ZNF84: variants seen among roughly 807,000 people sequenced by gnomAD.
ZNF84 encodes the protein zinc finger protein 84.
In ZNF84, 12 loss-of-function variants were observed where a neutral mutation model predicts 14.8. That is an observed-to-expected ratio of 0.81 (90% CI 0.52 to 1.31). ZNF84 has a LOEUF of 1.31. Ranked by LOEUF, ZNF84 falls within the 50% of genes most tolerant of loss-of-function variation. The pLI is 0.00. For synonymous variants in ZNF84, 347 were observed against 291.1 expected (o/e 1.19, Z -1.96); for missense variants, 859 against 878.6 (o/e 0.98, Z 0.28).
rs1954191223 is a variant in ZNF84, at chr12:133,057,971, T to C, written c.1256T>C (p.Ile419Thr). 6 of 1,613,346 alleles carry C rather than the reference T, an allele frequency of 3.7e-6. No homozygotes were observed. Among genetic ancestry groups the C allele is most frequent in the Non-Finnish European group, 1.7e-6 (2 of 1,179,860 alleles). Residue 419 changes from isoleucine to threonine, a missense_variant, in exon 5 of 5, where the codon ATT (isoleucine) becomes ACT (threonine). Transcript: ENST00000539354. Reference protein sequence around the residue: ...RKAFRERSSLINHQRTHTGEK... With the variant: ...RKAFRERSSLTNHQRTHTGEK... ...GCATTTAGAGAGAGGTCGAGTCTCATTAATCATCAGAGAACACATACAGGA... is the reference window on the plus strand; with the variant it reads ...GCATTTAGAGAGAGGTCGAGTCTCACTAATCATCAGAGAACACATACAGGA...
chr12:133,047,832 G>A, intron 2 of ZNF84, 123 bp from the exon 3 acceptor site: 3 of 1,046,192 alleles, frequency 2.9e-6, no homozygotes, highest in Admixed American at 2.0e-5. Flanking sequence ...ATATGCAAAG[G>A]TAGAGACATA....
Position 133,057,071 on chromosome 12 carries a change from A to G in ZNF84, c.356A>G (p.Asn119Ser). The change falls in exon 5 of 5, where the codon AAC (asparagine) becomes AGC (serine). Residue 119 changes from asparagine to serine, a missense_variant. Transcript: ENST00000539354. ...GGAAAAAATTTCAATCTGAACATGA[A>G]CTTTGTTCCTTTAAGGAAATCAAAC... ...AFGKNFNLNM[N>S]FVPLRKSNSE... 6.2e-7 allele frequency: 1 copy of G among 1,613,534 alleles called. No individual in the cohort carries two copies. The highest frequency in any genetic ancestry group is 8.5e-7 in the Non-Finnish European group (1 of 1,179,880).
chr12:133,045,708 T>C (rs1953968438), intron 2 of ZNF84, among the ~76,000 whole-genome samples: 2 of 152,300 alleles, frequency 1.3e-5, no homozygotes, highest in East Asian at 1.9e-4. Context: ...TTTTTTTTCT[T>C]TCTGGCCATT....
chr12:133,050,584 A>G (rs2137382925), intron 4 of ZNF84: 1 of 398,584 alleles, frequency 2.5e-6, no homozygotes, highest in East Asian at 3.6e-5. Context: ...TCTCCCATTC[A>G]TGGTCAGTTC....
intron 4 of ZNF84, among the ~76,000 whole-genome samples, chr12:133,052,810 G>A (rs956201986): frequency 6.6e-6 from 1 of 152,208 alleles, no homozygotes; most frequent in Non-Finnish European, 1.5e-5. Context: ...AATGACATGG[G>A]AAAACTAATT....
intron 2 of ZNF84, among the ~76,000 whole-genome samples, chr12:133,044,233 C>T (rs1483755157): frequency 1.3e-5 from 2 of 152,112 alleles, no homozygotes; most frequent in Non-Finnish European, 2.9e-5. Context: ...CAGCCTTGAA[C>T]TCCTGGAATC....
At position 133,048,116 on chromosome 12, in the gene ZNF84, C is replaced by T. The variant is rs1274694318; in HGVS notation, c.142+35C>T. 7 of 1,578,496 alleles carry T rather than the reference C, an allele frequency of 4.4e-6. No homozygotes were observed. The Admixed American group carries it at 8.7e-5, about 20-fold the overall frequency. ...GCTTTCTTGAGGACCTTGGACTATGCCCAATGCATTGCCTTTTATTTTTAG... is the reference window on the plus strand; with the variant it reads ...GCTTTCTTGAGGACCTTGGACTATGTCCAATGCATTGCCTTTTATTTTTAG... On this transcript the variant is annotated intron_variant, in intron 3 of 4. Coordinates refer to ENST00000539354, the MANE Select transcript of ZNF84 (RefSeq NM_001289971.2).
intron 2 of ZNF84, 88 bp downstream of exon 2, chr12:133,041,570 TAAG>T (rs1214010598): frequency 1.2e-5 from 17 of 1,393,942 alleles, no homozygotes; most frequent in African/African-American, 1.4e-5. Flanking sequence ...TTTAAATAGT[TAAG>T]AAATCAGAGG....
rs1300262133 is a variant in ZNF84 at position 133,048,161 on chromosome 12, G to A, written c.142+80G>A. On this transcript the variant is annotated intron_variant, in intron 3 of 4. Transcript: ENST00000539354. ...TTTTAGTTGCTGGGAAGTTTCAGAAGCCTATAGCTAGGCTTCTGAAATTTT... is the reference window on the plus strand; with the variant it reads ...TTTTAGTTGCTGGGAAGTTTCAGAAACCTATAGCTAGGCTTCTGAAATTTT... 1.8e-5 allele frequency: 25 copies of A among 1,399,270 alleles called. No individual in the cohort carries two copies. In the East Asian group the frequency reaches 2.6e-4, roughly 15 times the overall value. 86.7% of individuals were successfully genotyped at this position (1,399,270 alleles called of 1,614,324 possible).
At chr12:133,046,972 T>TA (rs1953993686) in intron 2 of ZNF84, among the ~76,000 whole-genome samples, 1 of 106,430 alleles carries the variant, frequency 9.4e-6, no homozygotes, top group Non-Finnish European at 2.1e-5. Flanking sequence ...TATTATATTA[T>TA]TTATATATAT....
Position 133,057,572 on chromosome 12 carries a change from C to G in ZNF84, c.857C>G (p.Thr286Arg). ...CTCACATCCCATCAGCGGACACATACAGGAGAGAAACCTTATGAGTGTGGT... is the reference window on the plus strand; with the variant it reads ...CTCACATCCCATCAGCGGACACATAGAGGAGAGAAACCTTATGAGTGTGGT... Reference protein sequence around the residue: ...SQLTSHQRTHTGEKPYECGEC... With the variant: ...SQLTSHQRTHRGEKPYECGEC... The change falls in exon 5 of 5, where the codon ACA becomes AGA. Residue 286 changes from threonine to arginine, a missense_variant. By Grantham distance (71) the Thr-to-Arg change is moderately conservative. Coordinates refer to ENST00000539354, the MANE Select transcript of ZNF84 (RefSeq NM_001289971.2). 1 of 1,614,162 alleles carries G rather than the reference C, an allele frequency of 6.2e-7. No homozygotes were observed. Among genetic ancestry groups the G allele is most frequent in the Non-Finnish European group, 8.5e-7 (1 of 1,180,024 alleles).
chr12:133,043,573 T>C (rs1369905159), intron 2 of ZNF84, among the ~76,000 whole-genome samples: 1 of 152,208 alleles, frequency 6.6e-6, no homozygotes, highest in Non-Finnish European at 1.5e-5. Context: ...AGAACACTGC[T>C]TTCCAGCATG....
At chr12:133,043,186 A>AT (rs1189290752) in intron 2 of ZNF84, among the ~76,000 whole-genome samples, 14 of 150,506 alleles carry the variant, frequency 9.3e-5, no homozygotes, top group Admixed American at 2.6e-4. Context: ...TTTATTTTTT[A>AT]TTTTTTTTTG....
In ZNF84 at chr12:133,041,457, A is replaced by C; in HGVS notation, c.-11A>C. On this transcript the variant is annotated 5_prime_UTR_variant, in exon 2 of 5. Coordinates refer to ENST00000539354, the MANE Select transcript of ZNF84 (RefSeq NM_001289971.2). ...CTCAGCCTTGCTGATCATCTCGTAC[A>C]GCAGCAGAAAATGACCATGTTACAG... The C allele has an allele frequency of 6.2e-7, 1 of 1,614,196 alleles. No homozygotes were observed.
chr12:133,040,963 C>G (rs1344116068), intron 1 of ZNF84: 2 of 153,300 alleles, frequency 1.3e-5, no homozygotes, highest in Non-Finnish European at 2.9e-5. Flanking sequence ...AAACTCAAAT[C>G]TGTTTTAATA....
In ZNF84 at chr12:133,061,183, C is replaced by G. The variant is rs1346761571; in HGVS notation, c.*2251C>G. ...GTTCATACTCAAGTGTATGAACTTCCTGGCTGGGCACAGTGGCTCATGCCT... is the reference window on the plus strand; with the variant it reads ...GTTCATACTCAAGTGTATGAACTTCGTGGCTGGGCACAGTGGCTCATGCCT... On this transcript the variant is annotated 3_prime_UTR_variant, in exon 5 of 5. Coordinates refer to ENST00000539354, the MANE Select transcript of ZNF84 (RefSeq NM_001289971.2). 6.6e-6 allele frequency: 1 copy of G among 152,158 alleles called. No individual in the cohort carries two copies. The highest frequency in any genetic ancestry group is 1.5e-5 in the Non-Finnish European group (1 of 68,036). The allele number at this position is 152,158 out of a possible 1,614,324, so 9.4% of individuals were successfully genotyped here. A position where few individuals can be genotyped will look rare whatever the true frequency, so the allele number is the denominator to read the frequency against.
intron 4 of ZNF84, among the ~76,000 whole-genome samples, chr12:133,054,009 A>G (rs1954111458): frequency 6.6e-6 from 1 of 152,212 alleles, no homozygotes; most frequent in African/African-American, 2.4e-5. Context: ...ATTACTGATT[A>G]TCTTTCTTAC....
Position 133,057,863 on chromosome 12 carries a change from CATT to C in ZNF84, c.1149_1151del (p.Phe385del). Reference sequence around the variant, plus strand: ...TTTGGATGTAGTGATTGTAGAAAAGCATTCTTTGAGAAGTCAGAGCTTATTAGA... The same window carrying C: ...TTTGGATGTAGTGATTGTAGAAAAGCCTTTGAGAAGTCAGAGCTTATTAGA... On this transcript the variant is annotated inframe_deletion, in exon 5 of 5. Transcript: ENST00000539354. 6 of 1,613,292 alleles carry C rather than the reference CATT, an allele frequency of 3.7e-6. No individual in the cohort carries two copies. Among genetic ancestry groups the C allele is most frequent in the East Asian group, 2.2e-5 (1 of 44,850 alleles).
chr12:133,056,663 GCTT>G (rs1954164170), intron 4 of ZNF84, among the ~76,000 whole-genome samples: 1 of 152,114 alleles, frequency 6.6e-6, no homozygotes, highest in East Asian at 1.9e-4. Context: ...TTGGGTCAAA[GCTT>G]CTTCTAACCT....
Sources: gnomAD v4.1 joint callset for allele counts (sites outside exome capture counted in the v4.1 genomes callset) on GRCh38, gnomAD v4.1.1 for gene constraint, MANE v1.5 for transcripts, NCBI Gene and HGNC (gene_info 2026-07-23, HGNC 2026-07-21) for gene names.